GRIK1: variants seen among roughly 807,000 people sequenced by gnomAD.
GRIK1 encodes glutamate receptor ionotropic, kainate 1.
Under a neutral mutation model 105.7 loss-of-function variants are expected in GRIK1, and 69 were observed. That is an observed-to-expected ratio of 0.65 (90% CI 0.54 to 0.80). The LOEUF (loss-of-function observed/expected upper bound fraction) is 0.80. GRIK1 is among the 30% of genes least tolerant of loss of function. GRIK1 has a pLI of 0.00. For missense variants in GRIK1, 1,109 were observed against 1,167.3 expected, an observed-to-expected ratio of 0.95 and a Z score of 0.73; for synonymous variants, 438 against 431.3, an observed-to-expected ratio of 1.02 and a Z score of -0.19.
intron 6 of GRIK1, among the ~76,000 whole-genome samples, chr21:29,650,328 A>T (rs1449291372): frequency 6.6e-6 from 1 of 152,218 alleles, no homozygotes; most frequent in Non-Finnish European, 1.5e-5. Context: ...ATAAAATACT[A>T]TGCCATTTTA....
At chr21:29,908,199 G>A (rs766973648) in intron 1 of GRIK1, among the ~76,000 whole-genome samples, 1 of 151,828 alleles carries the variant, frequency 6.6e-6, no homozygotes, top group Non-Finnish European at 1.5e-5. Context: ...GTTGAGTTAT[G>A]CAAATCTTAC....
chr21:29,560,364 TCTTCCTTCCTTCCTTC>T lies in GRIK1; in HGVS notation c.2356+1244_2356+1259del, dbSNP rs376778152. 4.5e-3 allele frequency among the ~76,000 whole-genome samples: 163 copies of T among 35,876 alleles called. 4 individuals carry two copies. The highest frequency in any genetic ancestry group is 7.7e-3 in the Admixed American group (25 of 3,246). 23.5% of individuals were successfully genotyped at this position (35,876 alleles called of 152,430 possible). ...CTTTCTTTCTTTCTTTCTTTTTCTT[TCTTCCTTCCTTCCTTC>T]CTTCCTTCCTTCCTTCCTTCCTTTC... On this transcript the variant is annotated intron_variant, in intron 15 of 17. Transcript: ENST00000327783.
In GRIK1 at chr21:29,718,758, G is replaced by C. The variant is rs889580403; in HGVS notation, c.119-24695C>G. Among the ~76,000 whole-genome samples, 6 of 152,188 alleles carry C rather than the reference G, an allele frequency of 3.9e-5. 1 individual carries two copies. Among genetic ancestry groups the C allele is most frequent in the Middle Eastern group, 3.2e-3 (1 of 316 alleles). The stretch of plus-strand genomic sequence containing the variant: ...TAGAGCCAAAGTGGGTGACTTGTCA[G>C]AGTTTGCTTTGAGAAAAGAAGAGCT... On this transcript the variant is annotated intron_variant, in intron 1 of 17. Transcript: ENST00000327783.
chr21:29,601,259 G>C (rs780923327), intron 7 of GRIK1: 1 of 503,548 alleles, frequency 2.0e-6, no homozygotes, highest in Non-Finnish European at 4.0e-6. Context: ...CTGTTCTTGA[G>C]AACAGGAGAT....
At chr21:29,715,916 C>G (rs2146834953) in intron 1 of GRIK1, among the ~76,000 whole-genome samples, 1 of 151,944 alleles carries the variant, frequency 6.6e-6, no homozygotes, top group Middle Eastern at 3.4e-3. Flanking sequence ...GGCTATGTCC[C>G]CACCCATATC....
intron 6 of GRIK1, 84 bp from the exon 7 acceptor site, chr21:29,643,053 TA>T: frequency 3.0e-6 from 4 of 1,342,048 alleles, no homozygotes. Context: ...CCTGCTTCCA[TA>T]GCTCTTATCT....
At chr21:29,729,004 G>A (rs1415705912) in intron 1 of GRIK1, among the ~76,000 whole-genome samples, 1 of 152,188 alleles carries the variant, frequency 6.6e-6, no homozygotes, top group African/African-American at 2.4e-5. Context: ...TGAATGTGTG[G>A]CTTTCCAAGT....
At chr21:29,674,125 T>C (rs1218507318) in intron 3 of GRIK1, among the ~76,000 whole-genome samples, 1 of 151,994 alleles carries the variant, frequency 6.6e-6, no homozygotes, top group Non-Finnish European at 1.5e-5. Flanking sequence ...TTTGTCAGCT[T>C]TAGGTAATCA....
intron 1 of GRIK1, among the ~76,000 whole-genome samples, chr21:29,900,857 A>G (rs1026497337): frequency 6.6e-6 from 1 of 152,170 alleles, no homozygotes; most frequent in Non-Finnish European, 1.5e-5. Context: ...ACCACATCAC[A>G]CTTATTCTAA....
chr21:29,718,854 G>A (rs1330785700), intron 1 of GRIK1, among the ~76,000 whole-genome samples: 2 of 152,172 alleles, frequency 1.3e-5, no homozygotes, highest in Non-Finnish European at 2.9e-5. Flanking sequence ...CCTTAGCTCA[G>A]CTCTTACTGC....
intron 1 of GRIK1, among the ~76,000 whole-genome samples, chr21:29,847,052 C>A (rs1432110527): frequency 6.6e-6 from 1 of 152,086 alleles, no homozygotes; most frequent in Non-Finnish European, 1.5e-5. Context: ...ATTTTACTGG[C>A]TCTTCTTCTT....
chr21:29,861,601 C>T (rs759628652), intron 1 of GRIK1: 2 of 389,852 alleles, frequency 5.1e-6, no homozygotes, highest in Admixed American at 6.1e-5. Flanking sequence ...GCCAACACGC[C>T]CGGCTGCACT....
At chr21:29,804,447 T>TA (rs889970458) in intron 1 of GRIK1, among the ~76,000 whole-genome samples, 56 of 150,508 alleles carry the variant, frequency 3.7e-4, no homozygotes, top group African/African-American at 1.4e-3. Context: ...CAACTCCAAT[T>TA]AAAAAAAAAA....
intron 4 of GRIK1, among the ~76,000 whole-genome samples, chr21:29,660,815 A>G (rs1287338906): frequency 3.9e-5 from 6 of 152,238 alleles, no homozygotes; most frequent in Non-Finnish European, 7.3e-5. Context: ...AATAATTTCA[A>G]GTGAATAACT....
chr21:29,930,056 T>C (rs554998120), intron 1 of GRIK1, among the ~76,000 whole-genome samples: 1 of 152,346 alleles, frequency 6.6e-6, no homozygotes, highest in Admixed American at 6.5e-5. Context: ...GTTATTTTCT[T>C]AACCATTCTC....
chr21:29,725,725 A>C (rs533224421), intron 1 of GRIK1, among the ~76,000 whole-genome samples: 1 of 152,364 alleles, frequency 6.6e-6, no homozygotes, highest in East Asian at 1.9e-4. Flanking sequence ...AGTATGCCTC[A>C]CAACCTATTA....
At chr21:29,880,260 C>G (rs980960212) in intron 1 of GRIK1, among the ~76,000 whole-genome samples, 7 of 152,084 alleles carry the variant, frequency 4.6e-5, no homozygotes, top group African/African-American at 1.7e-4. Flanking sequence ...CATAAAACTT[C>G]CTACACTGTC....
At chr21:29,723,152 CA>C (rs996861222) in intron 1 of GRIK1, among the ~76,000 whole-genome samples, 10 of 151,658 alleles carry the variant, frequency 6.6e-5, no homozygotes, top group South Asian at 4.2e-4. Flanking sequence ...CTGTTTCTAC[CA>C]AAAAAAATTA....
chr21:29,939,380 C>T lies in GRIK1; in HGVS notation c.118+3G>A. On this transcript the variant is annotated splice_donor_region_variant and intron_variant, in intron 1 of 17. Coordinates refer to ENST00000327783, the MANE Select transcript of GRIK1 (RefSeq NM_001330994.2). ...CCGAGCAGGCAGCCTGGGGCTCACT[C>T]ACCGATCCTGAGTACTTGCGGGGCG... is the stretch of plus-strand genomic sequence containing the variant. 4 of 1,499,002 alleles carry T rather than the reference C, an allele frequency of 2.7e-6. No individual in the cohort carries two copies. The highest frequency in any genetic ancestry group is 3.6e-6 in the Non-Finnish European group (4 of 1,098,374). 92.9% of individuals were successfully genotyped at this position (1,499,002 alleles called of 1,614,324 possible). A position where few individuals can be genotyped will look rare whatever the true frequency, so the allele number is the denominator to read the frequency against.
Sources: gnomAD v4.1 joint callset for allele counts (sites outside exome capture counted in the v4.1 genomes callset) on GRCh38, gnomAD v4.1.1 for gene constraint, MANE v1.5 for transcripts, NCBI Gene and HGNC (gene_info 2026-07-23, HGNC 2026-07-21) for gene names.